The following DLG2 variants were observed in gnomAD, a reference collection of about 807,000 sequenced individuals.
DLG2 encodes the protein disks large homolog 2.
In DLG2, 45 loss-of-function variants were observed where a neutral mutation model predicts 132.5. That is an observed-to-expected ratio of 0.34 (90% CI 0.27 to 0.44). The LOEUF (loss-of-function observed/expected upper bound fraction) is 0.44, where lower values mean the gene tolerates loss of function less well. DLG2 is among the 20% of genes least tolerant of loss of function. The probability of loss-of-function intolerance (pLI) is 1.00; values close to 1 mark genes in which losing one functional copy is unlikely to be tolerated. For missense variants in DLG2, 1,045 were observed against 1,196.9 expected (o/e 0.87, Z 1.87); for synonymous variants, 424 against 419.6 (o/e 1.01, Z -0.13).
chr11:83,861,216 T>G (rs765132016), intron 16 of DLG2, among the ~76,000 whole-genome samples: 5 of 152,120 alleles, frequency 3.3e-5, no homozygotes, highest in Non-Finnish European at 7.4e-5. Flanking sequence ...TATATCCAAA[T>G]GACAGGCAGT....
chr11:84,695,541 C>T (rs1226730623), intron 6 of DLG2, among the ~76,000 whole-genome samples: 2 of 151,508 alleles, frequency 1.3e-5, no homozygotes, highest in African/African-American at 4.8e-5. Flanking sequence ...ATAACTGGTA[C>T]TGTAGAAATT....
intron 7 of DLG2, among the ~76,000 whole-genome samples, chr11:84,454,395 G>A (rs2099059839): frequency 6.6e-6 from 1 of 151,366 alleles, no homozygotes; most frequent in Admixed American, 6.6e-5. Flanking sequence ...AATCGCTTTG[G>A]GAATGTTAAA....
intron 7 of DLG2, among the ~76,000 whole-genome samples, chr11:84,507,245 G>T (rs2099243953): frequency 6.6e-6 from 1 of 152,130 alleles, no homozygotes; most frequent in Non-Finnish European, 1.5e-5. Flanking sequence ...GTTTAAGGGA[G>T]AAACAGTTAA....
At chr11:85,623,742 T>C (rs1193293540) in intron 2 of DLG2, among the ~76,000 whole-genome samples, 1 of 152,238 alleles carries the variant, frequency 6.6e-6, no homozygotes, top group Non-Finnish European at 1.5e-5. Flanking sequence ...TAGAAAATTC[T>C]GTTAAAGCAT....
chr11:85,516,907 T>C (rs1036173303), intron 3 of DLG2, among the ~76,000 whole-genome samples: 1 of 151,754 alleles, frequency 6.6e-6, no homozygotes, highest in African/African-American at 2.4e-5. Flanking sequence ...AAGGAAATCC[T>C]CCCTAACTCA....
chr11:84,390,351 T>C (rs1180702723), intron 7 of DLG2, among the ~76,000 whole-genome samples: 1 of 152,184 alleles, frequency 6.6e-6, no homozygotes, highest in East Asian at 1.9e-4. Flanking sequence ...GAAGGGGCTA[T>C]AAAATGTAAT....
At chr11:83,475,874 A>G (rs1389623476) in intron 22 of DLG2, among the ~76,000 whole-genome samples, 1 of 151,952 alleles carries the variant, frequency 6.6e-6, no homozygotes, top group African/African-American at 2.4e-5. Flanking sequence ...GGTACAAACT[A>G]TTTCTTGGTT....
chr11:85,280,002 T>C (rs902823141), intron 4 of DLG2, among the ~76,000 whole-genome samples: 4 of 152,160 alleles, frequency 2.6e-5, no homozygotes, highest in Admixed American at 6.6e-5. Context: ...TGCTTTCTTA[T>C]TGGTTATTTG....
At chr11:84,999,905 A>G (rs896188095) in intron 6 of DLG2, among the ~76,000 whole-genome samples, 1 of 152,178 alleles carries the variant, frequency 6.6e-6, no homozygotes, top group African/African-American at 2.4e-5. Flanking sequence ...CTTAAGAAAC[A>G]TGGCAGATCT....
chr11:84,773,075 A>G (rs2069705758), intron 6 of DLG2, among the ~76,000 whole-genome samples: 1 of 152,072 alleles, frequency 6.6e-6, no homozygotes, highest in Admixed American at 6.6e-5. Context: ...GTGAAGATCC[A>G]AATAAGAAAC....
intron 3 of DLG2, among the ~76,000 whole-genome samples, chr11:85,360,050 G>A (rs973024105): frequency 3.3e-5 from 5 of 152,164 alleles, no homozygotes; most frequent in Admixed American, 6.5e-5. Flanking sequence ...GAAGCAGAGC[G>A]AAAGATTACC....
chr11:84,350,055 G>A (rs1352948449), intron 7 of DLG2, among the ~76,000 whole-genome samples: 2 of 151,728 alleles, frequency 1.3e-5, no homozygotes, highest in Non-Finnish European at 2.9e-5. Context: ...GTGGGCGCCT[G>A]TAGTCCCAGC....
At chr11:84,470,044 T>C (rs2099104643) in intron 7 of DLG2, among the ~76,000 whole-genome samples, 1 of 151,758 alleles carries the variant, frequency 6.6e-6, no homozygotes. Flanking sequence ...ATGGTAAGTA[T>C]TTGTGTGTCT....
chr11:85,538,191 A>G lies in DLG2; in HGVS notation c.40+60466T>C, dbSNP rs537197066. On this transcript the variant is annotated intron_variant, in intron 3 of 27. Transcript: ENST00000376104. Reference sequence around the variant, plus strand: ...TGAGGGTCCATGGCTTCATTCTTGAAGTCAGCAAGACCAAGAACCCACCAA... The same window carrying G: ...TGAGGGTCCATGGCTTCATTCTTGAGGTCAGCAAGACCAAGAACCCACCAA... Among the ~76,000 whole-genome samples, 7 of 152,084 alleles carry G rather than the reference A, an allele frequency of 4.6e-5. No homozygotes were observed. The South Asian group carries it at 1.5e-3, about 32-fold the overall frequency.
chr11:84,545,254 G>GT, intron 6 of DLG2: 2 of 484,604 alleles, frequency 4.1e-6, no homozygotes, highest in Admixed American at 2.1e-5. Context: ...GCCTCCTAAG[G>GT]TTTCTCTCCT....
chr11:84,538,449 T>C (rs558844926), intron 6 of DLG2, among the ~76,000 whole-genome samples: 31 of 152,356 alleles, frequency 2.0e-4, no homozygotes, highest in African/African-American at 5.5e-4. Flanking sequence ...ACAGGAGTCA[T>C]ATTTGAACCC....
chr11:84,663,293 T>C (rs2099696660), intron 6 of DLG2, among the ~76,000 whole-genome samples: 1 of 151,736 alleles, frequency 6.6e-6, no homozygotes, highest in East Asian at 1.9e-4. Context: ...TGTTGTGAGA[T>C]AGACTCTTGG....
chr11:83,480,475 A>G, intron 22 of DLG2: 2 of 1,503,388 alleles, frequency 1.3e-6, no homozygotes, highest in Non-Finnish European at 1.8e-6. Flanking sequence ...CAGAACGGAA[A>G]GGAATACACT....
intron 14 of DLG2, among the ~76,000 whole-genome samples, chr11:83,961,184 G>C (rs2088638558): frequency 6.6e-6 from 1 of 151,932 alleles, no homozygotes; most frequent in South Asian, 2.1e-4. Flanking sequence ...ACAACCTATT[G>C]AGATAGACTC....
Sources: gnomAD v4.1 joint callset for allele counts (sites outside exome capture counted in the v4.1 genomes callset) on GRCh38, gnomAD v4.1.1 for gene constraint, MANE v1.5 for transcripts, NCBI Gene and HGNC (gene_info 2026-07-23, HGNC 2026-07-21) for gene names.